Variants in SEMA3E observed in about 807,000 individuals in gnomAD.
SEMA3E encodes the protein semaphorin 3E.
In SEMA3E, 49 loss-of-function variants were observed where a neutral mutation model predicts 93.6. That is an observed-to-expected ratio of 0.52 (90% CI 0.42 to 0.66). SEMA3E has a LOEUF of 0.66. Among genes scored for constraint, SEMA3E ranks in the 30% least tolerant of loss-of-function variants. The probability of loss-of-function intolerance (pLI) is 0.00; values close to 1 mark genes in which losing one functional copy is unlikely to be tolerated. For missense variants in SEMA3E, 906 were observed against 964.8 expected (o/e 0.94, Z 0.81); for synonymous variants, 363 against 330.7 (o/e 1.10, Z -1.06).
intron 4 of SEMA3E, among the ~76,000 whole-genome samples, chr7:83,425,951 A>G (rs543431711): frequency 5.0e-4 from 67 of 133,060 alleles, no homozygotes; most frequent in Middle Eastern, 4.2e-3. Context: ...ACATACAAGT[A>G]GCCAACAACC....
chr7:83,489,402 A>T (rs1584284318), intron 2 of SEMA3E, among the ~76,000 whole-genome samples: 3 of 114,984 alleles, frequency 2.6e-5, no homozygotes, highest in East Asian at 3.2e-4. Context: ...GTCATAATTA[A>T]AAAAAAAATG....
chr7:83,492,434 T>C (rs150113819), intron 1 of SEMA3E, among the ~76,000 whole-genome samples: 29 of 152,142 alleles, frequency 1.9e-4, no homozygotes, highest in African/African-American at 6.7e-4. Flanking sequence ...ACTTTCTAAG[T>C]ATATTACAGT....
At chr7:83,511,118 G>A (rs1790808271) in intron 1 of SEMA3E, among the ~76,000 whole-genome samples, 1 of 152,004 alleles carries the variant, frequency 6.6e-6, no homozygotes, top group African/African-American at 2.4e-5. Context: ...ACTTCTTGTG[G>A]TTCCTGTAGT....
chr7:83,374,391 G>A (rs1794792664), intron 16 of SEMA3E, among the ~76,000 whole-genome samples: 1 of 152,050 alleles, frequency 6.6e-6, no homozygotes, highest in Admixed American at 6.6e-5. Context: ...TATCCTGAGA[G>A]CAAGCTGACA....
At chr7:83,609,365 CT>C (rs1446987066) in intron 1 of SEMA3E, among the ~76,000 whole-genome samples, 3 of 151,940 alleles carry the variant, frequency 2.0e-5, no homozygotes, top group Non-Finnish European at 2.9e-5. Context: ...CATGTATGTA[CT>C]TTCTCAAACT....
chr7:83,513,236 G>T (rs1380593497), intron 1 of SEMA3E, among the ~76,000 whole-genome samples: 3 of 152,140 alleles, frequency 2.0e-5, no homozygotes, highest in African/African-American at 7.2e-5. Flanking sequence ...AGCAGTGGTA[G>T]TCAGTTTTGG....
intron 1 of SEMA3E, among the ~76,000 whole-genome samples, chr7:83,577,544 G>C (rs549923102): frequency 5.9e-5 from 9 of 152,164 alleles, no homozygotes; most frequent in African/African-American, 2.2e-4. Flanking sequence ...AGAAATCGTT[G>C]TAATATTATA....
chr7:83,438,432 G>T (rs1789046549), intron 4 of SEMA3E, among the ~76,000 whole-genome samples: 1 of 152,106 alleles, frequency 6.6e-6, no homozygotes, highest in Non-Finnish European at 1.5e-5. Flanking sequence ...TGACATCATG[G>T]TCTAGATATC....
intron 1 of SEMA3E, among the ~76,000 whole-genome samples, chr7:83,501,186 A>T (rs1790590292): frequency 6.6e-6 from 1 of 152,192 alleles, no homozygotes; most frequent in African/African-American, 2.4e-5. Context: ...AATTCACATT[A>T]AAATACATAT....
chr7:83,526,727 G>A (rs983142300), intron 1 of SEMA3E, among the ~76,000 whole-genome samples: 3 of 152,098 alleles, frequency 2.0e-5, no homozygotes, highest in Non-Finnish European at 2.9e-5. Flanking sequence ...TAGTTCAGTG[G>A]TTTGTGCTTT....
rs34835756 is a variant in SEMA3E, at chr7:83,602,485, C to CTT, written c.115+45941_115+45942dup. ...CTAAAATACCTGGCATTTAGAAGCA[C>CTT]TTTTTTTTTTTTTGAGACAGTCTTC... On this transcript the variant is annotated intron_variant, in intron 1 of 16. Transcript: ENST00000643230. 1.1e-3 allele frequency among the ~76,000 whole-genome samples: 162 copies of CTT among 147,864 alleles called. 1 individual carries two copies. Among genetic ancestry groups the CTT allele is most frequent in the Middle Eastern group, 0.01 (3 of 286 alleles).
chr7:83,639,134 AAAAAAAC>A lies in SEMA3E; in HGVS notation c.115+9287_115+9293del, dbSNP rs1352886013. Among the ~76,000 whole-genome samples, 148 of 132,164 alleles carry A rather than the reference AAAAAAAC, an allele frequency of 1.1e-3. 8 individuals carry two copies. The East Asian group carries it at 0.017, about 15-fold the overall frequency. The allele number at this position is 132,164 out of a possible 152,430, so 86.7% of individuals were successfully genotyped here. A position where few individuals can be genotyped will look rare whatever the true frequency, so the allele number is the denominator to read the frequency against. On this transcript the variant is annotated intron_variant, in intron 1 of 16. Coordinates refer to ENST00000643230, the MANE Select transcript of SEMA3E (RefSeq NM_012431.3). The stretch of plus-strand genomic sequence containing the variant: ...TCAAAAAAAAAAAAAAAAAAAAAAA[AAAAAAAC>A]AGAGATTCCTGAGCCTCAGAATTAT...
intron 11 of SEMA3E, among the ~76,000 whole-genome samples, chr7:83,399,315 T>G (rs2115612712): frequency 6.6e-6 from 1 of 152,330 alleles, no homozygotes; most frequent in African/African-American, 2.4e-5. Context: ...AAGTTAGATC[T>G]AATGTATGGG....
At chr7:83,627,895 C>T (rs1052869342) in intron 1 of SEMA3E, among the ~76,000 whole-genome samples, 3 of 152,104 alleles carry the variant, frequency 2.0e-5, no homozygotes, top group Middle Eastern at 3.4e-3. Flanking sequence ...TTAGTTGATG[C>T]GGTTACTTCA....
chr7:83,534,618 T>C (rs1791375812), intron 1 of SEMA3E, among the ~76,000 whole-genome samples: 1 of 152,170 alleles, frequency 6.6e-6, no homozygotes, highest in South Asian at 2.1e-4. Flanking sequence ...GAAGAGTCAG[T>C]AAACTATGGC....
chr7:83,557,471 C>T (rs953043486), intron 1 of SEMA3E, among the ~76,000 whole-genome samples: 3 of 151,732 alleles, frequency 2.0e-5, no homozygotes, highest in African/African-American at 7.3e-5. Flanking sequence ...AATTTATAAA[C>T]GTTTCAGTGT....
At chr7:83,584,968 C>A (rs1239935623) in intron 1 of SEMA3E, among the ~76,000 whole-genome samples, 1 of 152,094 alleles carries the variant, frequency 6.6e-6, no homozygotes, top group Admixed American at 6.6e-5. Context: ...ATTCTCACTC[C>A]TTACCGTGAG....
chr7:83,631,404 C>G (rs976905626), intron 1 of SEMA3E, among the ~76,000 whole-genome samples: 10 of 149,780 alleles, frequency 6.7e-5, no homozygotes, highest in African/African-American at 2.2e-4. Flanking sequence ...AAACTCCTTC[C>G]AAATACTGAC....
intron 1 of SEMA3E, among the ~76,000 whole-genome samples, chr7:83,541,055 A>G (rs928788788): frequency 6.6e-6 from 1 of 152,194 alleles, no homozygotes; most frequent in Admixed American, 6.5e-5. Flanking sequence ...TTTCAGATGC[A>G]CACACCCTTA....
Sources: allele counts gnomAD v4.1 joint callset (sites outside exome capture counted in the v4.1 genomes callset), GRCh38; gene constraint gnomAD v4.1.1; transcripts MANE v1.5; gene names NCBI Gene and HGNC (gene_info 2026-07-23, HGNC 2026-07-21).